The following STXBP5L variants were observed in gnomAD, a reference collection of about 807,000 sequenced individuals.
The protein encoded by STXBP5L is syntaxin-binding protein 5-like.
Under a neutral mutation model 144.5 loss-of-function variants are expected in STXBP5L, and 65 were observed. The observed-to-expected ratio is 0.45, with a 90% confidence interval of 0.37 to 0.55. The LOEUF (loss-of-function observed/expected upper bound fraction) is 0.55. STXBP5L is among the 20% of genes least tolerant of loss of function. The pLI is 0.00. For synonymous variants in STXBP5L, 505 were observed against 469.6 expected (o/e 1.08, Z -0.97); for missense variants, 1,298 against 1,405.5 (o/e 0.92, Z 1.22).
intron 5 of STXBP5L, among the ~76,000 whole-genome samples, chr3:121,052,330 G>T (rs1473835345): frequency 6.6e-6 from 1 of 151,980 alleles, no homozygotes; most frequent in Admixed American, 6.6e-5. Flanking sequence ...GATGAACATC[G>T]ATGCAAAAAT....
At chr3:120,974,797 G>T (rs1275630066) in intron 3 of STXBP5L, among the ~76,000 whole-genome samples, 1 of 152,062 alleles carries the variant, frequency 6.6e-6, no homozygotes, top group Admixed American at 6.6e-5. Flanking sequence ...TATTAAATAG[G>T]GAATCCTTTC....
intron 9 of STXBP5L, among the ~76,000 whole-genome samples, chr3:121,196,266 T>A (rs1387415243): frequency 6.6e-6 from 1 of 151,626 alleles, no homozygotes; most frequent in African/African-American, 2.4e-5. Flanking sequence ...TTCAAGCAAT[T>A]CTCCTGCCTC....
At chr3:120,952,571 A>C (rs1247497598) in intron 2 of STXBP5L, among the ~76,000 whole-genome samples, 2 of 152,034 alleles carry the variant, frequency 1.3e-5, no homozygotes, top group Non-Finnish European at 1.5e-5. Context: ...ATGGTAAAGC[A>C]CTGGATTTAT....
intron 3 of STXBP5L, among the ~76,000 whole-genome samples, chr3:121,012,716 T>G (rs1944872356): frequency 6.6e-6 from 1 of 151,860 alleles, no homozygotes; most frequent in African/African-American, 2.4e-5. Flanking sequence ...GGGATACATG[T>G]GCATGTGCAG....
At chr3:121,237,722 C>T (rs1416716639) in intron 12 of STXBP5L, among the ~76,000 whole-genome samples, 2 of 152,120 alleles carry the variant, frequency 1.3e-5, no homozygotes, top group Non-Finnish European at 1.5e-5. Flanking sequence ...TTAAAAGTAA[C>T]AATGCCACTT....
rs116926710 is a variant in STXBP5L, at chr3:121,079,835, C to A, written c.470+34300C>A. Reference sequence around the variant, plus strand: ...GAATGTTCTGTTAATATCTGTTAAGCCCATTTGTTCTAGGGTATAGTTTAA... The same window carrying A: ...GAATGTTCTGTTAATATCTGTTAAGACCATTTGTTCTAGGGTATAGTTTAA... On this transcript the variant is annotated intron_variant, in intron 5 of 26. Coordinates refer to ENST00000471454, the MANE Select transcript of STXBP5L (RefSeq NM_001308330.2). 9.7e-4 allele frequency among the ~76,000 whole-genome samples: 147 copies of A among 152,240 alleles called. 1 individual carries two copies. In the East Asian group the frequency reaches 0.028, roughly 29 times the overall value.
chr3:121,015,542 T>A (rs1945083822), intron 3 of STXBP5L, among the ~76,000 whole-genome samples: 1 of 152,128 alleles, frequency 6.6e-6, no homozygotes, highest in Non-Finnish European at 1.5e-5. Context: ...AATGTGGGAC[T>A]AGCATGAGAA....
chr3:120,966,390 G>T (rs913018549), intron 3 of STXBP5L, among the ~76,000 whole-genome samples: 2 of 152,162 alleles, frequency 1.3e-5, no homozygotes, highest in African/African-American at 4.8e-5. Flanking sequence ...CAGCTTTTCT[G>T]CTCTGGTTTC....
chr3:121,311,260 G>C (rs957990958), intron 19 of STXBP5L, among the ~76,000 whole-genome samples: 35 of 152,298 alleles, frequency 2.3e-4, no homozygotes, highest in Non-Finnish European at 4.6e-4. Flanking sequence ...CCCGTAAGTT[G>C]CTACGGAGAA....
intron 3 of STXBP5L, among the ~76,000 whole-genome samples, chr3:120,977,803 A>T (rs1941255893): frequency 6.6e-6 from 1 of 152,154 alleles, no homozygotes; most frequent in Admixed American, 6.5e-5. Context: ...TTCATTTATG[A>T]AGCTTAGTTT....
intron 20 of STXBP5L, among the ~76,000 whole-genome samples, chr3:121,343,534 A>G (rs1354583560): frequency 6.6e-6 from 1 of 152,150 alleles, no homozygotes; most frequent in Non-Finnish European, 1.5e-5. Flanking sequence ...TAAGCTGATA[A>G]GCAACTTCAG....
At chr3:121,198,655 T>G (rs894660958) in intron 9 of STXBP5L, among the ~76,000 whole-genome samples, 1 of 152,212 alleles carries the variant, frequency 6.6e-6, no homozygotes, top group Non-Finnish European at 1.5e-5. Flanking sequence ...TTGAGCTAAT[T>G]TTTGTATAAG....
intron 3 of STXBP5L, among the ~76,000 whole-genome samples, chr3:121,024,457 C>G (rs1031026382): frequency 1.3e-5 from 2 of 152,122 alleles, no homozygotes; most frequent in Non-Finnish European, 2.9e-5. Flanking sequence ...TATCTCTACT[C>G]TTGGTGTTTG....
At chr3:121,004,587 G>A (rs1382625814) in intron 3 of STXBP5L, among the ~76,000 whole-genome samples, 1 of 151,964 alleles carries the variant, frequency 6.6e-6, no homozygotes, top group Non-Finnish European at 1.5e-5. Context: ...CCAACACTAT[G>A]TTGAATAGGA....
chr3:120,949,855 T>C (rs532490180), intron 2 of STXBP5L, among the ~76,000 whole-genome samples: 2 of 152,248 alleles, frequency 1.3e-5, no homozygotes, highest in South Asian at 4.1e-4. Context: ...GATAATGTAA[T>C]GCCTCCAGAT....
Position 121,180,624 on chromosome 3 carries a change from A to G in STXBP5L, c.877+22997A>G, listed in dbSNP as rs560078589. Among the ~76,000 whole-genome samples the G allele has an allele frequency of 3.3e-5, 5 of 152,360 alleles. No individual in the cohort carries two copies. The South Asian group carries it at 1.0e-3, about 32-fold the overall frequency. On this transcript the variant is annotated intron_variant, in intron 9 of 26. Transcript: ENST00000471454. ...CACAGTGGCTCAGGCCTGTAATACC[A>G]GCACTTTGGGCAGGCCGAGGCAGGT...
At chr3:121,115,332 C>A (rs1007184603) in intron 6 of STXBP5L, among the ~76,000 whole-genome samples, 11 of 152,132 alleles carry the variant, frequency 7.2e-5, no homozygotes, top group Non-Finnish European at 1.2e-4. Flanking sequence ...ACATGGAAAT[C>A]TCACTTCATT....
intron 7 of STXBP5L, among the ~76,000 whole-genome samples, chr3:121,149,815 C>T (rs1321467092): frequency 2.0e-5 from 3 of 151,956 alleles, no homozygotes; most frequent in Non-Finnish European, 2.9e-5. Flanking sequence ...AAGGTGGTAT[C>T]CTTTGCTCTT....
intron 3 of STXBP5L, among the ~76,000 whole-genome samples, chr3:120,961,044 A>G (rs959517251): frequency 2.0e-5 from 3 of 151,958 alleles, no homozygotes; most frequent in African/African-American, 7.2e-5. Context: ...TCATATTTCA[A>G]TCTTGGTAGG....
Sources: allele counts gnomAD v4.1 joint callset (sites outside exome capture counted in the v4.1 genomes callset), GRCh38; gene constraint gnomAD v4.1.1; transcripts MANE v1.5; gene names NCBI Gene and HGNC (gene_info 2026-07-23, HGNC 2026-07-21).